Variants in WHAMM observed in about 807,000 individuals in gnomAD.
WHAMM encodes the protein WASP homolog associated with actin, golgi membranes and microtubules, also known as WASP homolog-associated protein with actin, membranes and microtubules.
A neutral mutation model predicts 76.5 loss-of-function variants in WHAMM; 67 were observed. The observed-to-expected ratio is 0.88, with a 90% CI of 0.72 to 1.07. The LOEUF is 1.07. Ranked by LOEUF, WHAMM falls within the 50% of genes least tolerant of loss-of-function variation. The probability of loss-of-function intolerance (pLI) is 0.00; values close to 1 mark genes in which losing one functional copy is unlikely to be tolerated. For missense variants in WHAMM, 1,021 were observed against 1,051.1 expected, an observed-to-expected ratio of 0.97 and a Z score of 0.40; for synonymous variants, 419 against 422.1, an observed-to-expected ratio of 0.99 and a Z score of 0.09.
At position 82,809,810 on chromosome 15, in the gene WHAMM, G is replaced by A. The variant is rs1250995379; in HGVS notation, c.84G>A (p.Leu28=). ...GLFAEPERHR[L]RFLVAWNGAE... ...TCGCCGAGCCCGAGAGGCACCGGCT[G>A]CGCTTCCTGGTGGCCTGGAACGGCG... is the stretch of plus-strand genomic sequence containing the variant. Residue 28 remains leucine, a synonymous_variant, in exon 1 of 10, where the codon CTG becomes CTA. Transcript: ENST00000286760. 1 of 1,603,118 alleles carries A rather than the reference G, an allele frequency of 6.2e-7. No individual in the cohort carries two copies. Among genetic ancestry groups the A allele is most frequent in the Non-Finnish European group, 8.5e-7 (1 of 1,175,568 alleles).
intron 1 of WHAMM, 104 bp from the exon 2 acceptor site, chr15:82,812,999 A>C: frequency 1.1e-6 from 1 of 872,788 alleles, no homozygotes; most frequent in Non-Finnish European, 1.6e-6. Context: ...AAATTGATGT[A>C]TTAAAAGTTG....
chr15:82,833,750 C>A lies in WHAMM; in HGVS notation c.*214C>A. ...TGTCGCCCAGGCTGGGGTGCAGTGGCGCCATCTCGGCTCACCGCAAGCTCC... is the reference window on the plus strand; with the variant it reads ...TGTCGCCCAGGCTGGGGTGCAGTGGAGCCATCTCGGCTCACCGCAAGCTCC... On this transcript the variant is annotated 3_prime_UTR_variant, in exon 10 of 10. Transcript: ENST00000286760. 1 of 556,016 alleles carries A rather than the reference C, an allele frequency of 1.8e-6. No homozygotes were observed. The highest frequency in any genetic ancestry group is 3.1e-6 in the Non-Finnish European group (1 of 320,568). 34.4% of individuals were successfully genotyped at this position (556,016 alleles called of 1,614,324 possible).
chr15:82,827,200 C>T (rs1361114030), intron 8 of WHAMM, among the ~76,000 whole-genome samples: 1 of 152,138 alleles, frequency 6.6e-6, no homozygotes, highest in Non-Finnish European at 1.5e-5. Context: ...TTGTAATAAA[C>T]AATTCTTTAA....
At chr15:82,831,805 T>G (rs2051036725) in intron 9 of WHAMM, among the ~76,000 whole-genome samples, 1 of 152,228 alleles carries the variant, frequency 6.6e-6, no homozygotes, top group Non-Finnish European at 1.5e-5. Flanking sequence ...TGTGTGCACT[T>G]TAGATAAATC....
intron 8 of WHAMM, among the ~76,000 whole-genome samples, chr15:82,828,014 CCTG>C (rs2050965271): frequency 6.6e-6 from 1 of 152,064 alleles, no homozygotes; most frequent in Non-Finnish European, 1.5e-5. Context: ...AAAACATAGA[CCTG>C]CTTTCATTCC....
In WHAMM at chr15:82,809,688, C is replaced by T. The variant is rs373472104; in HGVS notation, c.-39C>T. The T allele has an allele frequency of 5.1e-5, 68 of 1,344,306 alleles. 1 individual carries two copies. The Admixed American group carries it at 6.4e-4, about 13-fold the overall frequency. The allele number at this position is 1,344,306 out of a possible 1,614,324, so 83.3% of individuals were successfully genotyped here. A position where few individuals can be genotyped will look rare whatever the true frequency, so the allele number is the denominator to read the frequency against. ...ACAGGCGGTGCGAGGAGGCCAGGCCCGCGCCCGCCGAGCCCTAGGGCCGCT... is the reference window on the plus strand; with the variant it reads ...ACAGGCGGTGCGAGGAGGCCAGGCCTGCGCCCGCCGAGCCCTAGGGCCGCT... On this transcript the variant is annotated 5_prime_UTR_variant, in exon 1 of 10. Coordinates refer to ENST00000286760, the MANE Select transcript of WHAMM (RefSeq NM_001080435.3).
At chr15:82,812,967 T>G (rs535005685) in intron 1 of WHAMM, 136 bp from the exon 2 acceptor site, 1 of 645,874 alleles carries the variant, frequency 1.5e-6, no homozygotes, top group South Asian at 3.7e-5. Context: ...ATGATAACAT[T>G]TTCATATTTA....
chr15:82,825,528 G>C (rs1328462022), intron 6 of WHAMM, among the ~76,000 whole-genome samples: 1 of 152,166 alleles, frequency 6.6e-6, no homozygotes, highest in Admixed American at 6.5e-5. Context: ...GGTAGTTGAG[G>C]TGAGCTATCA....
rs537986107 is a variant in WHAMM at position 82,830,886 on chromosome 15, T to C, written c.1929T>C (p.Pro643=). ...AATTGTCACTGCCACCACCTCCTCC[T>C]CCTCCACCACCACCACCGCCGCCAC... The part of the protein sequence containing the change: ...SEELSLPPPP[P]PPPPPPPPPP... The change falls in exon 9 of 10, where the codon CCT becomes CCC. Residue 643 remains proline, a synonymous_variant. Transcript: ENST00000286760. The C allele has an allele frequency of 2.5e-6, 4 of 1,582,134 alleles. No homozygotes were observed. In the East Asian group the frequency reaches 6.9e-5, roughly 27 times the overall value.
At position 82,830,888 on chromosome 15, in the gene WHAMM, C is replaced by T; in HGVS notation, c.1931C>T (p.Pro644Leu). 6.3e-7 allele frequency: 1 copy of T among 1,583,628 alleles called. No individual in the cohort carries two copies. The highest frequency in any genetic ancestry group is 8.6e-7 in the Non-Finnish European group (1 of 1,164,676). The change falls in exon 9 of 10, where the codon CCT becomes CTT. Residue 644 changes from proline to leucine, a missense_variant. Pro to Leu is a moderately conservative substitution (Grantham distance 98, BLOSUM62 -3). Transcript: ENST00000286760. The stretch of plus-strand genomic sequence containing the variant: ...TTGTCACTGCCACCACCTCCTCCTC[C>T]TCCACCACCACCACCGCCGCCACCG... Reference protein sequence around the residue: ...EELSLPPPPPPPPPPPPPPPP... With the variant: ...EELSLPPPPPLPPPPPPPPPP...
At chr15:82,828,335 A>G (rs1049454261) in intron 8 of WHAMM, among the ~76,000 whole-genome samples, 1 of 152,168 alleles carries the variant, frequency 6.6e-6, no homozygotes, top group Non-Finnish European at 1.5e-5. Context: ...ACACATCCAC[A>G]TCCCCTGGAG....
At position 82,816,935 on chromosome 15, in the gene WHAMM, A is replaced by G. The variant is rs532013505; in HGVS notation, c.934+93A>G. 5.6e-5 allele frequency: 71 copies of G among 1,273,954 alleles called. No individual in the cohort carries two copies. In the African/African-American group the frequency reaches 9.2e-4, roughly 16 times the overall value. The allele number at this position is 1,273,954 out of a possible 1,614,324, so 78.9% of individuals were successfully genotyped here. A position where few individuals can be genotyped will look rare whatever the true frequency, so the allele number is the denominator to read the frequency against. On this transcript the variant is annotated intron_variant, in intron 3 of 9. Transcript: ENST00000286760. ...GAGTCCCTCTTACGCACTAGGTACT[A>G]TGTTTTCTAGGTGCTGAGAATTCAG... is the stretch of plus-strand genomic sequence containing the variant.
intron 2 of WHAMM, among the ~76,000 whole-genome samples, chr15:82,816,152 C>A (rs1486001725): frequency 2.6e-5 from 4 of 152,146 alleles, no homozygotes; most frequent in Non-Finnish European, 5.9e-5. Flanking sequence ...CCTAATTACC[C>A]CCCAAAGGCC....
Position 82,830,726 on chromosome 15 carries a change from C to T in WHAMM, c.1769C>T (p.Ser590Phe), listed in dbSNP as rs1240883127. The part of the protein sequence containing the change: ...SHAVSVIHPS[S>F]RKTRGVPLSE... ...GCGGTGTCAGTAATTCACCCGTCCT[C>T]TAGGAAAACTAGAGGTGTTCCCCTA... The change falls in exon 9 of 10, where the codon TCT becomes TTT. Residue 590 changes from serine (S) to phenylalanine (F), a missense_variant. By Grantham distance (155) the Ser-to-Phe change is radical. This residue lies in a region of WHAMM where 509 missense variants were observed against 492.3 expected (regional missense o/e 1.03). Coordinates refer to ENST00000286760, the MANE Select transcript of WHAMM (RefSeq NM_001080435.3). 3 of 1,613,972 alleles carry T rather than the reference C, an allele frequency of 1.9e-6. No homozygotes were observed. Among genetic ancestry groups the T allele is most frequent in the Admixed American group, 3.3e-5 (2 of 60,016 alleles).
In WHAMM at chr15:82,813,281, GT is replaced by G. The variant is rs750842021; in HGVS notation, c.783+12del. 6.6e-7 allele frequency: 1 copy of G among 1,514,576 alleles called. No individual in the cohort carries two copies. The highest frequency in any genetic ancestry group is 8.8e-7 in the Non-Finnish European group (1 of 1,132,788). 93.8% of individuals were successfully genotyped at this position (1,514,576 alleles called of 1,614,324 possible). Reference sequence around the variant, plus strand: ...TTATGTAAGCTTGATATTTTGGTATGTTTTTTTAAAATTTTTACTTTATCAG... The same window carrying G: ...TTATGTAAGCTTGATATTTTGGTATGTTTTTTAAAATTTTTACTTTATCAG... On this transcript the variant is annotated splice_donor_region_variant and intron_variant, in intron 2 of 9. Transcript: ENST00000286760.
At chr15:82,827,279 G>T (rs1269432562) in intron 8 of WHAMM, among the ~76,000 whole-genome samples, 4 of 150,998 alleles carry the variant, frequency 2.6e-5, no homozygotes, top group East Asian at 1.9e-4. Flanking sequence ...AATTTAGTGG[G>T]TTTTTTTTTG....
intron 1 of WHAMM, among the ~76,000 whole-genome samples, chr15:82,811,515 C>T (rs190563255): frequency 1.3e-3 from 198 of 152,242 alleles, no homozygotes; most frequent in Non-Finnish European, 2.2e-3. Context: ...TAAGTTCACT[C>T]TGGGGTACTA....
At chr15:82,832,371 T>G (rs1382710819) in intron 9 of WHAMM, among the ~76,000 whole-genome samples, 8 of 152,206 alleles carry the variant, frequency 5.3e-5, no homozygotes, top group African/African-American at 1.4e-4. Context: ...AATCCTGAAC[T>G]AGAATTGATT....
intron 4 of WHAMM, among the ~76,000 whole-genome samples, chr15:82,818,456 CT>C (rs2050765606): frequency 6.6e-6 from 1 of 152,314 alleles, no homozygotes; most frequent in Admixed American, 6.5e-5. Context: ...CCAACACCAT[CT>C]TCTGTGGAAG....
Sources: allele counts gnomAD v4.1 joint callset (sites outside exome capture counted in the v4.1 genomes callset), GRCh38; gene constraint gnomAD v4.1.1; regional missense constraint gnomAD v4.1.1; transcripts MANE v1.5; gene names NCBI Gene and HGNC (gene_info 2026-07-23, HGNC 2026-07-21).